KAT2B: variants seen among roughly 807,000 people sequenced by gnomAD.
KAT2B encodes lysine acetyltransferase 2B, also known as histone acetyltransferase KAT2B.
Under a neutral mutation model 105.9 loss-of-function variants are expected in KAT2B, and 36 were observed. The observed-to-expected ratio is 0.34, with a 90% CI of 0.26 to 0.45. The LOEUF (loss-of-function observed/expected upper bound fraction) is 0.45, where lower values mean the gene tolerates loss of function less well. Ranked by LOEUF, KAT2B falls within the 20% of genes least tolerant of loss-of-function variation. KAT2B has a pLI of 1.00. For missense variants in KAT2B, 820 were observed against 1,021.6 expected, an observed-to-expected ratio of 0.80 and a Z score of 2.69; for synonymous variants, 397 against 377.9, an observed-to-expected ratio of 1.05 and a Z score of -0.59.
chr3:20,125,819 C>G, intron 9 of KAT2B, 86 bp from the exon 10 acceptor site: 1 of 1,096,198 alleles, frequency 9.1e-7, no homozygotes, highest in Non-Finnish European at 1.4e-6. Flanking sequence ...CTTATTAGAA[C>G]AAAGATGAGA....
intron 13 of KAT2B, among the ~76,000 whole-genome samples, chr3:20,144,705 A>G (rs2125195432): frequency 6.6e-6 from 1 of 152,074 alleles, no homozygotes; most frequent in Non-Finnish European, 1.5e-5. Flanking sequence ...AGCAGTCACT[A>G]GCCACATGTG....
At position 20,136,990 on chromosome 3, in the gene KAT2B, C is replaced by A; in HGVS notation, c.1798C>A (p.His600Asn). ...MNHLKEYHIK[H>N]DILNFLTYAD... ...TCATTTGAAAGAATATCACATAAAGCATGACATCCTGAACTTCCTCACATA... is the reference window on the plus strand; with the variant it reads ...TCATTTGAAAGAATATCACATAAAGAATGACATCCTGAACTTCCTCACATA... The change falls in exon 12 of 18, where the codon CAT becomes AAT. Residue 600 changes from histidine to asparagine, a missense_variant. This residue lies in a region of KAT2B where 227 missense variants were observed against 292.9 expected (regional missense o/e 0.77). Coordinates refer to ENST00000263754, the MANE Select transcript of KAT2B (RefSeq NM_003884.5). 1 of 1,611,246 alleles carries A rather than the reference C, an allele frequency of 6.2e-7. No homozygotes were observed. The highest frequency in any genetic ancestry group is 8.5e-7 in the Non-Finnish European group (1 of 1,177,548).
At chr3:20,141,787 T>C (rs75114118) in intron 13 of KAT2B, among the ~76,000 whole-genome samples, 1 of 10,902 alleles carries the variant, frequency 9.2e-5, no homozygotes, top group Non-Finnish European at 1.4e-4. Flanking sequence ...GAGCAAAGGC[T>C]TTTTTTTTTT....
intron 5 of KAT2B, among the ~76,000 whole-genome samples, chr3:20,107,001 ATATATATATATATATTTTTTTTTTTTT>A (rs1559316213): frequency 1.0e-4 from 2 of 19,802 alleles, no homozygotes; most frequent in East Asian, 6.2e-3. Flanking sequence ...ATATATATAT[ATATATATATATATATTTTTTTTTTTTT>A]TTTTTTTTTT....
chr3:20,067,302 G>A (rs906932593), intron 1 of KAT2B, among the ~76,000 whole-genome samples: 1 of 152,020 alleles, frequency 6.6e-6, no homozygotes, highest in Non-Finnish European at 1.5e-5. Context: ...GTTTCAACAC[G>A]TGCGGTTAAT....
At chr3:20,041,852 A>AT (rs1455805342) in intron 1 of KAT2B, among the ~76,000 whole-genome samples, 3 of 152,206 alleles carry the variant, frequency 2.0e-5, no homozygotes, top group African/African-American at 7.2e-5. Context: ...CCACTTCTGA[A>AT]TTTTGACATA....
chr3:20,054,942 C>T (rs1267522851), intron 1 of KAT2B, among the ~76,000 whole-genome samples: 1 of 152,078 alleles, frequency 6.6e-6, no homozygotes, highest in African/African-American at 2.4e-5. Context: ...CACAAGGAGC[C>T]CTTTTCTTGT....
chr3:20,045,580 T>C (rs1362917170), intron 1 of KAT2B, among the ~76,000 whole-genome samples: 3 of 152,052 alleles, frequency 2.0e-5, no homozygotes, highest in African/African-American at 7.2e-5. Context: ...CAAATCCAAA[T>C]CTTCTTGAAT....
At chr3:20,111,484 A>G in intron 5 of KAT2B, 112 bp from the exon 6 acceptor site, 1 of 796,246 alleles carries the variant, frequency 1.3e-6, no homozygotes, top group Non-Finnish European at 2.0e-6. Context: ...TTGTTATTGC[A>G]GGCCTAGTTT....
intron 12 of KAT2B, among the ~76,000 whole-genome samples, chr3:20,139,619 T>A (rs1699664360): frequency 6.6e-6 from 1 of 151,928 alleles, no homozygotes; most frequent in African/African-American, 2.4e-5. Context: ...ATAAATATAT[T>A]ATTTATAATT....
At chr3:20,062,733 A>C (rs1698159597) in intron 1 of KAT2B, among the ~76,000 whole-genome samples, 1 of 151,894 alleles carries the variant, frequency 6.6e-6, no homozygotes, top group Non-Finnish European at 1.5e-5. Context: ...AAGTATTGGG[A>C]TTACAGGCGT....
intron 1 of KAT2B, among the ~76,000 whole-genome samples, chr3:20,062,387 A>G (rs1469073778): frequency 8.6e-6 from 1 of 115,788 alleles, no homozygotes; most frequent in Non-Finnish European, 1.7e-5. Flanking sequence ...ATTATATATA[A>G]CATAATAAAT....
At chr3:20,138,404 G>A (rs1197124501) in intron 12 of KAT2B, among the ~76,000 whole-genome samples, 1 of 125,158 alleles carries the variant, frequency 8.0e-6, no homozygotes, top group African/African-American at 3.1e-5. Flanking sequence ...TTTTGACTAG[G>A]TGTTTCTTGT....
At chr3:20,142,622 G>A (rs1363707711) in intron 13 of KAT2B, among the ~76,000 whole-genome samples, 3 of 152,186 alleles carry the variant, frequency 2.0e-5, no homozygotes, top group Non-Finnish European at 4.4e-5. Flanking sequence ...AGAGTGGAGA[G>A]TTAAGTGCTA....
intron 1 of KAT2B, among the ~76,000 whole-genome samples, chr3:20,059,649 G>A (rs1698065687): frequency 6.6e-6 from 1 of 151,878 alleles, no homozygotes; most frequent in African/African-American, 2.4e-5. Context: ...AGCTTGCGGT[G>A]AGCCGAGATC....
intron 17 of KAT2B, among the ~76,000 whole-genome samples, chr3:20,150,120 T>G (rs1240925853): frequency 6.6e-6 from 1 of 152,188 alleles, no homozygotes; most frequent in Non-Finnish European, 1.5e-5. Context: ...CATAGCTGAG[T>G]CTCACAAGGG....
chr3:20,150,078 G>A lies in KAT2B; in HGVS notation c.2305+1591G>A, dbSNP rs543511676. Among the ~76,000 whole-genome samples, 7 of 152,316 alleles carry A rather than the reference G, an allele frequency of 4.6e-5. No individual in the cohort carries two copies. In the Middle Eastern group the frequency reaches 0.017, roughly 370 times the overall value. On this transcript the variant is annotated intron_variant, in intron 17 of 17. Transcript: ENST00000263754. ...TTGCTTGGTCCCACCCGTGAAGGTTGTGAACTTCTCCAGTTGGATACCACC... is the reference window on the plus strand; with the variant it reads ...TTGCTTGGTCCCACCCGTGAAGGTTATGAACTTCTCCAGTTGGATACCACC...
intron 1 of KAT2B, among the ~76,000 whole-genome samples, chr3:20,043,820 T>C (rs1295697492): frequency 6.6e-6 from 1 of 152,060 alleles, no homozygotes; most frequent in Non-Finnish European, 1.5e-5. Flanking sequence ...TTTCTGCACT[T>C]AATATGAGCA....
intron 7 of KAT2B, among the ~76,000 whole-genome samples, chr3:20,116,505 A>G (rs1206232316): frequency 2.0e-5 from 3 of 152,142 alleles, no homozygotes; most frequent in Non-Finnish European, 4.4e-5. Flanking sequence ...GTGTGAGATT[A>G]TTGTCCTGGG....
Sources: allele counts gnomAD v4.1 joint callset (sites outside exome capture counted in the v4.1 genomes callset), GRCh38; gene constraint gnomAD v4.1.1; regional missense constraint gnomAD v4.1.1; transcripts MANE v1.5; gene names NCBI Gene and HGNC (gene_info 2026-07-23, HGNC 2026-07-21).